The following NALF1 variants were observed in gnomAD, a reference collection of about 807,000 sequenced individuals.
The protein encoded by NALF1 is NALCN channel auxiliary factor 1, also known as family with sequence similarity 155 member A.
NALF1 carries 3 observed loss-of-function variants against 48.4 expected under a neutral mutation model. The ratio of observed to expected loss-of-function variants is 0.06; its 90% CI spans 0.03 to 0.16. The LOEUF (loss-of-function observed/expected upper bound fraction) is 0.16, where lower values mean the gene tolerates loss of function less well. Ranked by LOEUF, NALF1 falls within the 10% of genes least tolerant of loss-of-function variation. The pLI, the probability that NALF1 is intolerant of heterozygous loss-of-function variation, is 1.00. For missense variants in NALF1, 526 were observed against 571.5 expected (o/e 0.92, Z 0.81); for synonymous variants, 262 against 245.7 (o/e 1.07, Z -0.62).
intron 1 of NALF1, among the ~76,000 whole-genome samples, chr13:107,616,261 T>C (rs1041694948): frequency 2.0e-5 from 3 of 152,228 alleles, no homozygotes; most frequent in African/African-American, 7.2e-5. Context: ...CGTTTACGTT[T>C]AAAGTGGGCA....
intron 1 of NALF1, among the ~76,000 whole-genome samples, chr13:107,397,200 C>G (rs1263039805): frequency 6.6e-6 from 1 of 152,158 alleles, no homozygotes; most frequent in Non-Finnish European, 1.5e-5. Context: ...GCATAAGAGC[C>G]TACTTCTCTT....
intron 1 of NALF1, among the ~76,000 whole-genome samples, chr13:107,216,787 G>A (rs1215322650): frequency 6.6e-6 from 1 of 152,172 alleles, no homozygotes; most frequent in African/African-American, 2.4e-5. Flanking sequence ...TTATACAGGA[G>A]AGGGAATCAG....
intron 1 of NALF1, among the ~76,000 whole-genome samples, chr13:107,688,614 A>G (rs1187170710): frequency 6.6e-6 from 1 of 152,250 alleles, no homozygotes; most frequent in Non-Finnish European, 1.5e-5. Flanking sequence ...CAGTTTTCCA[A>G]TAAAATAAAA....
At chr13:107,571,960 T>C (rs1021584051) in intron 1 of NALF1, among the ~76,000 whole-genome samples, 2 of 152,162 alleles carry the variant, frequency 1.3e-5, no homozygotes, top group African/African-American at 2.4e-5. Context: ...AGAAATCATA[T>C]TGAGAAACGT....
chr13:107,547,061 A>G (rs1460560499), intron 1 of NALF1, among the ~76,000 whole-genome samples: 1 of 152,228 alleles, frequency 6.6e-6, no homozygotes, highest in Non-Finnish European at 1.5e-5. Context: ...TAAATAACAT[A>G]TTTGTAAACA....
intron 1 of NALF1, among the ~76,000 whole-genome samples, chr13:107,507,999 C>T (rs184916061): frequency 6.6e-6 from 1 of 152,190 alleles, no homozygotes; most frequent in African/African-American, 2.4e-5. Context: ...ATGAATTAGC[C>T]TCAGCAATTA....
chr13:107,326,265 C>T (rs1394950177), intron 1 of NALF1, among the ~76,000 whole-genome samples: 2 of 151,966 alleles, frequency 1.3e-5, no homozygotes, highest in South Asian at 4.2e-4. Flanking sequence ...ATGAGACCTG[C>T]TTACACTTCC....
intron 1 of NALF1, among the ~76,000 whole-genome samples, chr13:107,267,461 G>A (rs1440450007): frequency 2.0e-5 from 3 of 152,136 alleles, no homozygotes; most frequent in Admixed American, 6.6e-5. Flanking sequence ...TAGCGAGAGC[G>A]CTGTGTGTTG....
intron 1 of NALF1, among the ~76,000 whole-genome samples, chr13:107,297,256 C>T (rs752715757): frequency 2.0e-5 from 3 of 152,064 alleles, no homozygotes; most frequent in African/African-American, 7.2e-5. Context: ...TTTTTTACCT[C>T]CAGTGTTGAG....
chr13:107,750,129 A>G (rs1876894437), intron 1 of NALF1, among the ~76,000 whole-genome samples: 1 of 152,168 alleles, frequency 6.6e-6, no homozygotes, highest in Non-Finnish European at 1.5e-5. Flanking sequence ...GATTTAAAGC[A>G]TTGCCTCGGC....
chr13:107,840,047 TA>T (rs933670900), intron 1 of NALF1, among the ~76,000 whole-genome samples: 11 of 152,154 alleles, frequency 7.2e-5, no homozygotes, highest in Admixed American at 7.2e-4. Context: ...TAAAAGAAAC[TA>T]AAAGAAGTCA....
At chr13:107,467,811 C>A (rs143101252) in intron 1 of NALF1, among the ~76,000 whole-genome samples, 1 of 151,972 alleles carries the variant, frequency 6.6e-6, no homozygotes, top group Non-Finnish European at 1.5e-5. Context: ...GAGACCGAGG[C>A]GGGTGGATCA....
At chr13:107,266,561 A>G (rs977096507) in intron 1 of NALF1, among the ~76,000 whole-genome samples, 4 of 152,184 alleles carry the variant, frequency 2.6e-5, no homozygotes, top group African/African-American at 7.2e-5. Context: ...TTAGATCCCT[A>G]TAACTACGTG....
intron 1 of NALF1, among the ~76,000 whole-genome samples, chr13:107,755,696 G>C (rs780092646): frequency 1.3e-5 from 2 of 151,874 alleles, no homozygotes; most frequent in Non-Finnish European, 2.9e-5. Context: ...ATGTTTGATT[G>C]CACATGCTTC....
intron 1 of NALF1, among the ~76,000 whole-genome samples, chr13:107,858,398 T>C: frequency 6.6e-6 from 1 of 152,222 alleles, no homozygotes; most frequent in Non-Finnish European, 1.5e-5. Flanking sequence ...AATATTTAAA[T>C]TACCCATCTC....
At chr13:107,697,546 G>A (rs905175637) in intron 1 of NALF1, among the ~76,000 whole-genome samples, 5 of 151,614 alleles carry the variant, frequency 3.3e-5, no homozygotes, top group Non-Finnish European at 7.4e-5. Flanking sequence ...TTATTTTTTA[G>A]GCTTACATAA....
chr13:107,238,086 G>A (rs764845137), intron 1 of NALF1, among the ~76,000 whole-genome samples: 11 of 152,158 alleles, frequency 7.2e-5, no homozygotes, highest in Admixed American at 1.3e-4. Context: ...CAAGCTAACC[G>A]TTTAAAATAA....
chr13:107,645,623 T>C (rs1880293811), intron 1 of NALF1, among the ~76,000 whole-genome samples: 1 of 148,132 alleles, frequency 6.8e-6, no homozygotes, highest in African/African-American at 2.5e-5. Flanking sequence ...CAAATTCTCC[T>C]CTGCAAGTTA....
intron 1 of NALF1, among the ~76,000 whole-genome samples, chr13:107,397,357 T>A (rs933613123): frequency 1.6e-4 from 24 of 152,174 alleles, no homozygotes; most frequent in Non-Finnish European, 2.8e-4. Context: ...GTGTTCCTGA[T>A]GTTAAGGTAA....
Sources: gnomAD v4.1 joint callset for allele counts (sites outside exome capture counted in the v4.1 genomes callset) on GRCh38, gnomAD v4.1.1 for gene constraint, MANE v1.5 for transcripts, NCBI Gene and HGNC (gene_info 2026-07-23, HGNC 2026-07-21) for gene names.